The following ZNF75D variants were observed in gnomAD, a reference collection of about 807,000 sequenced individuals.
The protein encoded by ZNF75D is zinc finger protein 75.
Under a neutral mutation model 33.3 loss-of-function variants are expected in ZNF75D, and 33 were observed. The ratio of observed to expected loss-of-function variants is 0.99; its 90% CI spans 0.75 to 1.32. The LOEUF is 1.32. Among genes scored for constraint, ZNF75D ranks in the 40% most tolerant of loss-of-function variants. The pLI, the probability that ZNF75D is intolerant of heterozygous loss-of-function variation, is 0.00. For missense variants in ZNF75D, 338 were observed against 367.5 expected, an observed-to-expected ratio of 0.92 and a Z score of 0.66; for synonymous variants, 113 against 130.6, an observed-to-expected ratio of 0.87 and a Z score of 0.92.
chrX:135,257,499 G>A (rs895432556), intron 1 of ZNF75D, among the ~76,000 whole-genome samples: 3 of 113,269 alleles, frequency 2.6e-5, no homozygotes, highest in Admixed American at 9.2e-5. Context: ...AGCTGCAGTC[G>A]AACAAAACAA....
At chrX:135,260,107 C>T (rs1179073078) in intron 1 of ZNF75D, among the ~76,000 whole-genome samples, 1 of 111,882 alleles carries the variant, frequency 8.9e-6, no homozygotes, top group Non-Finnish European at 1.9e-5. Flanking sequence ...TATTGATTTG[C>T]ATATGTTGAA....
Position 135,294,141 on chromosome X carries a change from TTGCTCTAGGA to T in ZNF75D, c.-11_-2del, listed in dbSNP as rs782252077. 2.5e-6 allele frequency: 3 copies of T among 1,184,135 alleles called. No individual in the cohort carries two copies. In the East Asian group the frequency reaches 8.9e-5, roughly 35 times the overall value. On this transcript the variant is annotated 5_prime_UTR_variant, in exon 3 of 7. Transcript: ENST00000370766. ...CCGCGTTCAGCTCTCTCATCGCCAT[TTGCTCTAGGA>T]ACAGTTTTACTCTTGTATGTGACAC...
At chrX:135,285,598 G>A (rs1432416612), downstream of ZNF75D, among the ~76,000 whole-genome samples, 1 of 112,550 alleles carries the variant, frequency 8.9e-6, no homozygotes, top group African/African-American at 3.2e-5. Flanking sequence ...CAAATGTTTA[G>A]GAAACACCAA....
At chrX:135,298,246 GA>G (rs1556423623) in intron 1 of ZNF75D, 1 of 111,205 alleles carries the variant, frequency 9.0e-6, no homozygotes, top group African/African-American at 3.3e-5. Flanking sequence ...TGAGAATGAA[GA>G]AAAGGGTTAC....
In ZNF75D at chrX:135,336,910, G is replaced by A. The variant is rs184759161; in HGVS notation, c.-391+4858C>T. Among the ~76,000 whole-genome samples the A allele has an allele frequency of 7.2e-5, 8 of 111,529 alleles. No homozygotes were observed. In the East Asian group the frequency reaches 2.0e-3, roughly 28 times the overall value. On this transcript the variant is annotated intron_variant, in intron 1 of 6. Coordinates refer to ENST00000370766, the MANE Select transcript of ZNF75D (RefSeq NM_007131.5). ...ATTGGCCAATGTCATTAAGTTGTTA[G>A]GGACCTCCACTAATCAGATACCTGC...
At position 135,322,782 on chromosome X, in the gene ZNF75D, T is replaced by G. The variant is rs185946120; in HGVS notation, c.-391+18986A>C. ...CTGAGTATCCATGCCCACTATGAGATAGGGCAATGGGGACTACGGCCATAG... is the reference window on the plus strand; with the variant it reads ...CTGAGTATCCATGCCCACTATGAGAGAGGGCAATGGGGACTACGGCCATAG... On this transcript the variant is annotated intron_variant, in intron 1 of 6. Coordinates refer to ENST00000370766, the MANE Select transcript of ZNF75D (RefSeq NM_007131.5). Among the ~76,000 whole-genome samples the G allele has an allele frequency of 2.7e-5, 3 of 112,330 alleles. No individual in the cohort carries two copies. The Admixed American group carries it at 2.8e-4, about 11-fold the overall frequency.
chrX:135,265,650 C>T (rs1257995587), intron 1 of ZNF75D, among the ~76,000 whole-genome samples: 2 of 111,672 alleles, frequency 1.8e-5, no homozygotes, highest in Non-Finnish European at 3.8e-5. Flanking sequence ...AAAGACCTTC[C>T]CAGACAAACA....
rs782277277 is a variant in ZNF75D at position 135,291,057 on chromosome X, G to A, written c.775C>T (p.Leu259Phe). 3.3e-6 allele frequency: 4 copies of A among 1,205,326 alleles called. No individual in the cohort carries two copies. The highest frequency in any genetic ancestry group is 4.5e-6 in the Non-Finnish European group (4 of 890,674). ...ATATCCTGCATTACATCATTGTAGAGAGTCTTCTCAAGAGGATTCAATAAT... is the reference window on the plus strand; with the variant it reads ...ATATCCTGCATTACATCATTGTAGAAAGTCTTCTCAAGAGGATTCAATAAT... ...WQLLNPLEKT[L>F]YNDVMQDIYE... The change falls in exon 6 of 7, where the codon CTC becomes TTC. Residue 259 changes from leucine (L) to phenylalanine (F), a missense_variant. Physicochemically the swap from Leu to Phe is conservative, Grantham distance 22. Around this residue, in one of 3 missense-constraint regions of ZNF75D, gnomAD observed 254 missense variants for 267.7 expected, o/e 0.95. Transcript: ENST00000370766.
chrX:135,260,742 A>C (rs989244538), intron 1 of ZNF75D, among the ~76,000 whole-genome samples: 47 of 112,030 alleles, frequency 4.2e-4, no homozygotes, highest in Non-Finnish European at 1.7e-4. Flanking sequence ...TCTTTTCAAA[A>C]AACCAGCTCC....
intron 1 of ZNF75D, among the ~76,000 whole-genome samples, chrX:135,269,035 T>C (rs1411921721): frequency 2.2e-4 from 25 of 111,883 alleles, no homozygotes; most frequent in African/African-American, 6.8e-4. Context: ...CTCGGAAACC[T>C]GGATATCCAT....
chrX:135,256,555 A>C (rs1175665087), intron 1 of ZNF75D, among the ~76,000 whole-genome samples: 1 of 111,719 alleles, frequency 9.0e-6, no homozygotes, highest in East Asian at 2.8e-4. Context: ...CTTAAAAGGC[A>C]GTCTAGGACA....
At chrX:135,307,425 C>A (rs1318001683) in intron 1 of ZNF75D, among the ~76,000 whole-genome samples, 1 of 111,145 alleles carries the variant, frequency 9.0e-6, no homozygotes, top group African/African-American at 3.3e-5. Flanking sequence ...CATGAGAACC[C>A]CACTATAAAA....
At chrX:135,261,895 T>A (rs782713663) in intron 1 of ZNF75D, among the ~76,000 whole-genome samples, 5 of 112,260 alleles carry the variant, frequency 4.5e-5, no homozygotes, top group Admixed American at 3.8e-4. Flanking sequence ...ATAGCATCGA[T>A]GGTCTTTACA....
At chrX:135,289,631 C>G (rs2084008509) in intron 6 of ZNF75D, among the ~76,000 whole-genome samples, 1 of 2,811 alleles carries the variant, frequency 3.6e-4, no homozygotes, top group African/African-American at 4.9e-4. Context: ...CACACAGACA[C>G]ACACACACAC....
chrX:135,335,085 CTACTTCTTTT>C (rs2084694187), intron 1 of ZNF75D, among the ~76,000 whole-genome samples: 1 of 111,235 alleles, frequency 9.0e-6, no homozygotes, highest in African/African-American at 3.3e-5. Context: ...CTGCAAGGAC[CTACTTCTTTT>C]TACTTCCCAG....
chrX:135,265,820 T>C (rs1556416267), intron 1 of ZNF75D, among the ~76,000 whole-genome samples: 1 of 111,812 alleles, frequency 8.9e-6, no homozygotes, highest in Admixed American at 9.5e-5. Flanking sequence ...TAGACTACTA[T>C]AGCACCGTAA....
Position 135,287,113 on chromosome X carries a change from T to G in ZNF75D, c.*24A>C. ...TTGTATTCTTTCACCACTTCTAAAG[T>G]CAAGCTCTACATGGTAACTTTCCTC... On this transcript the variant is annotated 3_prime_UTR_variant, in exon 7 of 7. Transcript: ENST00000370766. 8.7e-7 allele frequency: 1 copy of G among 1,145,793 alleles called. No homozygotes were observed. The highest frequency in any genetic ancestry group is 1.2e-6 in the Non-Finnish European group (1 of 851,753). 94.4% of individuals were successfully genotyped at this position (1,145,793 alleles called of 1,213,427 possible).
chrX:135,268,592 T>G (rs1296903253), intron 1 of ZNF75D, among the ~76,000 whole-genome samples: 1 of 110,635 alleles, frequency 9.0e-6, no homozygotes, highest in Non-Finnish European at 1.9e-5. Flanking sequence ...TGAAAGCAAT[T>G]GAAGACAACA....
In ZNF75D at chrX:135,303,166, G is replaced by GT. The variant is rs1359628192; in HGVS notation, c.-390-7128dup. Among the ~76,000 whole-genome samples the GT allele has an allele frequency of 7.2e-5, 8 of 110,807 alleles. No individual in the cohort carries two copies. The East Asian group carries it at 2.3e-3, about 32-fold the overall frequency. ...CTCAGTAGGTGGAATATACAATCGGGTTTTACACCGAGACATTCCATTGCC... is the reference window on the plus strand; with the variant it reads ...CTCAGTAGGTGGAATATACAATCGGGTTTTTACACCGAGACATTCCATTGCC... On this transcript the variant is annotated intron_variant, in intron 1 of 6. Transcript: ENST00000370766.
Sources: allele counts gnomAD v4.1 joint callset (sites outside exome capture counted in the v4.1 genomes callset), GRCh38; gene constraint gnomAD v4.1.1; regional missense constraint gnomAD v4.1.1; transcripts MANE v1.5; gene names NCBI Gene and HGNC (gene_info 2026-07-23, HGNC 2026-07-21).